Variants in ANK2 observed in about 807,000 individuals in gnomAD.
ANK2 encodes ankyrin 2.
ANK2 carries 83 observed loss-of-function variants against 360.5 expected under a neutral mutation model. The ratio of observed to expected loss-of-function variants is 0.23; its 90% CI spans 0.19 to 0.28. The LOEUF (loss-of-function observed/expected upper bound fraction) is 0.28. Ranked by LOEUF, ANK2 falls within the 10% of genes least tolerant of loss-of-function variation. ANK2 has a pLI of 1.00. For missense variants in ANK2, 4,201 were observed against 4,795.7 expected (o/e 0.88, Z 3.66); for synonymous variants, 1,740 against 1,759.5 (o/e 0.99, Z 0.28).
chr4:112,715,714 C>T, the ANK2 span, among the ~76,000 whole-genome samples: 1 of 152,108 alleles, frequency 6.6e-6, no homozygotes, highest in Non-Finnish European at 1.5e-5. Flanking sequence ...ACAGTACCAC[C>T]CTCAGACACA....
intron 2 of ANK2, among the ~76,000 whole-genome samples, chr4:112,919,138 G>T (rs1184593724): frequency 6.6e-6 from 1 of 152,010 alleles, no homozygotes; most frequent in Non-Finnish European, 1.5e-5. Context: ...TACTAATATT[G>T]TCTTCCAGCT....
In ANK2 at chr4:113,232,582, A is replaced by C. The variant is rs527544540; in HGVS notation, c.483+323A>C. On this transcript the variant is annotated intron_variant, in intron 5 of 45. Transcript: ENST00000357077. ...AAATTCTACTCATCTCTTTTCACCAATACTTTATCTTTGTTAGGATCCAAT... is the reference window on the plus strand; with the variant it reads ...AAATTCTACTCATCTCTTTTCACCACTACTTTATCTTTGTTAGGATCCAAT... 3.9e-5 allele frequency among the ~76,000 whole-genome samples: 6 copies of C among 152,266 alleles called. 1 individual carries two copies. In the East Asian group the frequency reaches 5.8e-4, roughly 15 times the overall value.
intron 2 of ANK2, among the ~76,000 whole-genome samples, chr4:113,195,504 G>T (rs1353701112): frequency 6.6e-6 from 1 of 151,964 alleles, no homozygotes; most frequent in East Asian, 1.9e-4. Flanking sequence ...AGCATTACTT[G>T]GGTCTATATG....
At chr4:112,950,649 GA>G (rs55980674) in intron 2 of ANK2, among the ~76,000 whole-genome samples, 69,121 of 119,388 alleles carry the variant, frequency 0.58, 17,104 homozygotes, top group East Asian at 0.79. Context: ...GTCTCAAAAA[GA>G]AAAAAAAAAA....
At chr4:112,875,888 C>T (rs994537632) in intron 1 of ANK2, among the ~76,000 whole-genome samples, 2 of 151,406 alleles carry the variant, frequency 1.3e-5, no homozygotes, top group Non-Finnish European at 2.9e-5. Context: ...ACCAGATGAG[C>T]GGATCACCCT....
chr4:112,724,825 A>G, the ANK2 span, among the ~76,000 whole-genome samples: 2 of 152,188 alleles, frequency 1.3e-5, no homozygotes, highest in African/African-American at 2.4e-5. Flanking sequence ...ACTTCTGGGT[A>G]TATACACAGC....
chr4:112,811,708 T>C, the ANK2 span, among the ~76,000 whole-genome samples: 1 of 152,322 alleles, frequency 6.6e-6, no homozygotes, highest in East Asian at 1.9e-4. Context: ...AAAATGGTGA[T>C]TTTTCCAATT....
chr4:113,336,402 T>G, intron 30 of ANK2, 175 bp from the exon 31 acceptor site: 1 of 662,966 alleles, frequency 1.5e-6, no homozygotes. Context: ...TTACAAAATT[T>G]TATGAGTGCT....
the ANK2 span, among the ~76,000 whole-genome samples, chr4:112,714,270 C>A: frequency 6.6e-6 from 1 of 152,292 alleles, no homozygotes; most frequent in African/African-American, 2.4e-5. Flanking sequence ...GCCATCTCCA[C>A]CTCCTGGGCT....
chr4:113,253,332 C>A (rs2047493045), intron 10 of ANK2, among the ~76,000 whole-genome samples: 1 of 152,168 alleles, frequency 6.6e-6, no homozygotes, highest in Non-Finnish European at 1.5e-5. Context: ...TGTATCTTTT[C>A]TCTATCGGCA....
At chr4:113,375,604 A>G (rs903207636) in intron 45 of ANK2, among the ~76,000 whole-genome samples, 6 of 152,086 alleles carry the variant, frequency 3.9e-5, no homozygotes, top group Non-Finnish European at 8.8e-5. Context: ...GGGTGCCTGT[A>G]GTCCCAGCTA....
chr4:113,015,047 G>A (rs890317103), intron 2 of ANK2, among the ~76,000 whole-genome samples: 6 of 151,264 alleles, frequency 4.0e-5, no homozygotes, highest in Admixed American at 3.9e-4. Flanking sequence ...TTTAGTAGAG[G>A]CGGGATTTCA....
upstream of ANK2, among the ~76,000 whole-genome samples, chr4:112,814,449 GTTTGTTTGT>G (rs1423809798): frequency 7.0e-6 from 1 of 142,586 alleles, no homozygotes; most frequent in Non-Finnish European, 1.6e-5. Context: ...TTGTTTGTTT[GTTTGTTTGT>G]TTTTTTGAGA....
chr4:113,358,876 A>G lies in ANK2; in HGVS notation c.10258A>G (p.Arg3420Gly), dbSNP rs1025722371. Residue 3420 changes from arginine (R) to glycine (G), a missense_variant, in exon 38 of 46, where the codon AGG becomes GGG. Physicochemically the swap from Arg to Gly is moderately radical, Grantham distance 125. Transcript: ENST00000357077. ...YTETETESRE[R>G]AEELELESEE... The stretch of plus-strand genomic sequence containing the variant: ...TGAGACAGAAACAGAGAGCAGAGAG[A>G]GGGCCGAGGAACTTGAGTTAGAATC... The G allele has an allele frequency of 1.2e-6, 2 of 1,614,076 alleles. No homozygotes were observed. The highest frequency in any genetic ancestry group is 2.2e-5 in the South Asian group (2 of 91,082).
chr4:112,929,740 G>A (rs1297345429), intron 2 of ANK2, among the ~76,000 whole-genome samples: 1 of 152,172 alleles, frequency 6.6e-6, no homozygotes, highest in African/African-American at 2.4e-5. Flanking sequence ...CTCCATGGTA[G>A]TTCTCACTCT....
chr4:112,824,136 CATCTATCTATCTATCTATCTATCT>C (rs35729539), intron 1 of ANK2, among the ~76,000 whole-genome samples: 3 of 147,948 alleles, frequency 2.0e-5, no homozygotes, highest in African/African-American at 5.0e-5. Flanking sequence ...AGGTCTTCAG[CATCTATCTATCTATCTATCTATCT>C]ATCTATCTAT....
intron 2 of ANK2, among the ~76,000 whole-genome samples, chr4:112,959,269 G>GA (rs1168194785): frequency 3.3e-5 from 5 of 150,756 alleles, no homozygotes; most frequent in East Asian, 1.9e-4. Flanking sequence ...TCTTGTTGGG[G>GA]AAAAAAAAAG....
intron 2 of ANK2, among the ~76,000 whole-genome samples, chr4:112,910,891 T>G (rs1431166583): frequency 6.6e-6 from 1 of 152,136 alleles, no homozygotes; most frequent in Non-Finnish European, 1.5e-5. Flanking sequence ...CCAAAATAAT[T>G]TATCATAATT....
intron 23 of ANK2, among the ~76,000 whole-genome samples, chr4:113,307,553 GTA>G (rs2077830800): frequency 6.6e-6 from 1 of 151,442 alleles, no homozygotes; most frequent in East Asian, 1.9e-4. Flanking sequence ...GACTACAGGT[GTA>G]TGCCACCATG....
Sources: allele counts gnomAD v4.1 joint callset (sites outside exome capture counted in the v4.1 genomes callset), GRCh38; gene constraint gnomAD v4.1.1; transcripts MANE v1.5; gene names NCBI Gene and HGNC (gene_info 2026-07-23, HGNC 2026-07-21).